IL12RB1: variants seen among roughly 807,000 people sequenced by gnomAD.
IL12RB1 encodes interleukin-12 receptor subunit beta-1.
In IL12RB1, 64 loss-of-function variants were observed where a neutral mutation model predicts 94.4. The ratio of observed to expected loss-of-function variants is 0.68; its 90% CI spans 0.55 to 0.83. IL12RB1 has a LOEUF of 0.83. Ranked by LOEUF, IL12RB1 falls within the 40% of genes least tolerant of loss-of-function variation. IL12RB1 has a pLI of 0.00. For synonymous variants in IL12RB1, 362 were observed against 355.5 expected, an observed-to-expected ratio of 1.02 and a Z score of -0.21; for missense variants, 814 against 855.6, an observed-to-expected ratio of 0.95 and a Z score of 0.61.
chr19:18,083,590 C>A, intron 1 of IL12RB1, 99 bp from the exon 2 acceptor site: 1 of 1,055,592 alleles, frequency 9.5e-7, no homozygotes. Context: ...CATCAGCCCT[C>A]CCACCCACCC....
chr19:18,076,487 C>A (rs568924963), intron 5 of IL12RB1, among the ~76,000 whole-genome samples, 160 bp from the exon 6 acceptor site: 13 of 152,088 alleles, frequency 8.5e-5, no homozygotes, highest in Non-Finnish European at 1.6e-4. Context: ...ATTGAAGCCT[C>A]AACCTCCCAG....
chr19:18,067,436 GGGTTTTAATTCT>G (rs1568492345), intron 11 of IL12RB1, among the ~76,000 whole-genome samples: 1 of 151,746 alleles, frequency 6.6e-6, no homozygotes, highest in Admixed American at 6.6e-5. Flanking sequence ...CAGGTGAGCT[GGGTTTTAATTCT>G]GGTTCTGCCA....
At chr19:18,090,403 T>A (rs1231517087), upstream of IL12RB1, among the ~76,000 whole-genome samples, 1 of 152,080 alleles carries the variant, frequency 6.6e-6, no homozygotes, top group Non-Finnish European at 1.5e-5. Flanking sequence ...CATGGCCCCC[T>A]CCTGACCATC....
upstream of IL12RB1, among the ~76,000 whole-genome samples, chr19:18,091,076 T>C (rs372368479): frequency 2.6e-4 from 40 of 152,146 alleles, no homozygotes; most frequent in African/African-American, 8.9e-4. Flanking sequence ...AGGGCCTGGC[T>C]TTCTCCGAGG....
chr19:18,072,167 G>A lies in IL12RB1; in HGVS notation c.966C>T (p.Asn322=), dbSNP rs746816826. The A allele has an allele frequency of 6.2e-7, 1 of 1,614,182 alleles. No individual in the cohort carries two copies. Among genetic ancestry groups the A allele is most frequent in the Admixed American group, 1.7e-5 (1 of 60,008 alleles). Residue 322 remains asparagine, a synonymous_variant, in exon 9 of 17, where the codon AAC becomes AAT. Transcript: ENST00000593993. The part of the protein sequence containing the change: ...AAYNVAVISS[N]QFGPGLNQTW... Reference sequence around the variant, plus strand: ...TCTGGTTCAGGCCAGGACCAAATTGGTTCGAGGAGATGACAGCCACGTTGT... The same window carrying A: ...TCTGGTTCAGGCCAGGACCAAATTGATTCGAGGAGATGACAGCCACGTTGT...
In IL12RB1 at chr19:18,064,030, C is replaced by G. The variant is rs545789499; in HGVS notation, c.1484-20G>C. 4 of 1,603,270 alleles carry G rather than the reference C, an allele frequency of 2.5e-6. No individual in the cohort carries two copies. Among genetic ancestry groups the G allele is most frequent in the African/African-American group, 2.7e-5 (2 of 74,798 alleles). On this transcript the variant is annotated intron_variant, in intron 12 of 16. Transcript: ENST00000593993. Reference sequence around the variant, plus strand: ...GATGCTCTGCAGTGGGAGAGGCAACCCTGAGTCCTGGGACCTCTTTACTCC... The same window carrying G: ...GATGCTCTGCAGTGGGAGAGGCAACGCTGAGTCCTGGGACCTCTTTACTCC...
chr19:18,095,095 A>G (rs2036828787), intron 1 of IL12RB1, among the ~76,000 whole-genome samples: 1 of 151,912 alleles, frequency 6.6e-6, no homozygotes, highest in East Asian at 1.9e-4. Context: ...AGGAGAATCA[A>G]TTGAACCTGG....
rs368969256 is a variant in IL12RB1, at chr19:18,061,149, G to T, written c.1764C>A (p.Ser588=). The T allele has an allele frequency of 6.2e-7, 1 of 1,601,844 alleles. No homozygotes were observed. The highest frequency in any genetic ancestry group is 1.1e-5 in the South Asian group (1 of 89,210). Residue 588 remains serine, a synonymous_variant, in exon 15 of 17, where the codon TCC becomes TCA. Coordinates refer to ENST00000593993, the MANE Select transcript of IL12RB1 (RefSeq NM_005535.3). ...CPPLPTPCAS[S]AIEFPGGKET... is the part of the protein sequence containing the mutation. Reference sequence around the variant, plus strand: ...CCTTCCCTCCAGGGAACTCAATGGCGGAGCTGGCACAGGGTGTGGGCAGCG... The same window carrying T: ...CCTTCCCTCCAGGGAACTCAATGGCTGAGCTGGCACAGGGTGTGGGCAGCG...
At chr19:18,089,084 C>T (rs1568529205), upstream of IL12RB1, among the ~76,000 whole-genome samples, 2 of 148,452 alleles carry the variant, frequency 1.3e-5, no homozygotes, top group African/African-American at 2.5e-5. Flanking sequence ...GCTGGGTGGA[C>T]GAAGATGGAC....
Position 18,086,817 on chromosome 19 carries a change from G to A in IL12RB1, c.7C>T (p.Pro3Ser). Residue 3 changes from proline (P) to serine (S), a missense_variant, in exon 1 of 17, where the codon CCG becomes TCG. Coordinates refer to ENST00000593993, the MANE Select transcript of IL12RB1 (RefSeq NM_005535.3). The stretch of plus-strand genomic sequence containing the variant: ...AGGGGGACCACCCAGGTCACCAGCG[G>A]CTCCATCGGATCCACGTAGAGCCCC... ME[P>S]LVTWVVPLLF... The A allele has an allele frequency of 6.2e-7, 1 of 1,610,864 alleles. No homozygotes were observed. The highest frequency in any genetic ancestry group is 8.5e-7 in the Non-Finnish European group (1 of 1,178,976).
upstream of IL12RB1, chr19:18,090,838 C>A (rs2036596066): frequency 6.6e-6 from 1 of 152,534 alleles, no homozygotes; most frequent in African/African-American, 2.4e-5. Flanking sequence ...ACGCCCCTAG[C>A]CCCTTGGGAT....
At chr19:18,072,375 G>C (rs748827827) in intron 8 of IL12RB1, 26 bp from the exon 9 acceptor site, 1 of 1,441,588 alleles carries the variant, frequency 6.9e-7, no homozygotes, top group African/African-American at 1.4e-5. Flanking sequence ...AAGACAGCTT[G>C]TGGGTACCTG....
chr19:18,086,951 GA>G (rs1161863548), upstream of IL12RB1: 25 of 1,542,350 alleles, frequency 1.6e-5, no homozygotes, highest in East Asian at 3.7e-4. Context: ...AAAGAAAAAA[GA>G]AAAAAAGTAA....
At chr19:18,081,568 C>T (rs2035901456) in intron 3 of IL12RB1, among the ~76,000 whole-genome samples, 1 of 151,630 alleles carries the variant, frequency 6.6e-6, no homozygotes, top group Non-Finnish European at 1.5e-5. Context: ...GCTTGTAATC[C>T]CAGCACTTTG....
At chr19:18,065,898 G>A (rs1446328644) in intron 12 of IL12RB1, among the ~76,000 whole-genome samples, 2 of 151,692 alleles carry the variant, frequency 1.3e-5, no homozygotes, top group Non-Finnish European at 2.9e-5. Context: ...TATTAACTGT[G>A]CATGGTGGTG....
At position 18,075,759 on chromosome 19, in the gene IL12RB1, G is replaced by A. The variant is rs759195702; in HGVS notation, c.690C>T (p.Cys230=). ...TCAGAGTGATCTTACCAGGGGGAAC[G>A]CACACGGGGCTGCTCCACTTGCTCC... ...SSWSKWSSPV[C]VPPENPPQPQ... is the part of the protein sequence containing the mutation. The change falls in exon 7 of 17, where the codon TGC becomes TGT. Residue 230 remains cysteine, a synonymous_variant. Transcript: ENST00000593993. The A allele has an allele frequency of 3.1e-6, 5 of 1,611,980 alleles. No homozygotes were observed. The highest frequency in any genetic ancestry group is 1.6e-4 in the Middle Eastern group (1 of 6,082).
chr19:18,080,871 C>G lies in IL12RB1; in HGVS notation c.370G>C (p.Glu124Gln), dbSNP rs772617080. The change falls in exon 4 of 17, where the codon GAG becomes CAG. Residue 124 changes from glutamate to glutamine, a missense_variant. Physicochemically the swap from Glu to Gln is conservative, Grantham distance 29 (BLOSUM62 2). Transcript: ENST00000593993. ...WVESWARNQT[E>Q]KSPEVTLQLY... ...TGCAGGGTCACCTCAGGAGACTTCT[C>G]TGTCTGGTTCCTGGCCCAGGATTCC... is the stretch of plus-strand genomic sequence containing the variant. The G allele has an allele frequency of 6.2e-6, 10 of 1,612,558 alleles. No individual in the cohort carries two copies. Among genetic ancestry groups the G allele is most frequent in the Non-Finnish European group, 7.6e-6 (9 of 1,178,596 alleles).
chr19:18,073,924 A>G (rs138861170), intron 7 of IL12RB1, among the ~76,000 whole-genome samples: 1 of 152,212 alleles, frequency 6.6e-6, no homozygotes, highest in African/African-American at 2.4e-5. Context: ...TTCTGGGTTC[A>G]AGCGATTCTC....
At chr19:18,082,462 G>A (rs1455932044) in intron 2 of IL12RB1, among the ~76,000 whole-genome samples, 198 bp from the exon 3 acceptor site, 4 of 151,490 alleles carry the variant, frequency 2.6e-5, no homozygotes, top group Admixed American at 2.0e-4. Context: ...CCTCACAGAG[G>A]CCAGATGTCC....
Sources: allele counts gnomAD v4.1 joint callset (sites outside exome capture counted in the v4.1 genomes callset), GRCh38; gene constraint gnomAD v4.1.1; transcripts MANE v1.5; gene names NCBI Gene and HGNC (gene_info 2026-07-23, HGNC 2026-07-21).